CSMD1: variants seen among roughly 807,000 people sequenced by gnomAD.
CSMD1 encodes the protein CUB and sushi domain-containing protein 1.
Under a neutral mutation model 417.5 loss-of-function variants are expected in CSMD1, and 213 were observed. The observed-to-expected ratio is 0.51, with a 90% confidence interval of 0.46 to 0.57. The LOEUF (loss-of-function observed/expected upper bound fraction) is 0.57. Among genes scored for constraint, CSMD1 ranks in the 20% least tolerant of loss-of-function variants. The pLI is 0.00. For synonymous variants in CSMD1, 2,862 were observed against 1,736.8 expected (o/e 1.65, Z -16.11); for missense variants, 6,923 against 4,529.7 (o/e 1.53, Z -15.17).
intron 57 of CSMD1, among the ~76,000 whole-genome samples, chr8:2,967,498 G>C (rs1401840897): frequency 2.7e-5 from 4 of 150,444 alleles, no homozygotes; most frequent in African/African-American, 9.8e-5. Flanking sequence ...GGCTGCCGCT[G>C]GGTACGTTTC....
At chr8:4,755,876 A>T (rs981139577) in intron 1 of CSMD1, among the ~76,000 whole-genome samples, 4 of 152,160 alleles carry the variant, frequency 2.6e-5, no homozygotes, top group Non-Finnish European at 5.9e-5. Context: ...AACGTGAGAA[A>T]CTCATAATGG....
At chr8:3,052,275 G>A (rs117501953) in intron 50 of CSMD1, among the ~76,000 whole-genome samples, 187 bp downstream of exon 50, 2,323 of 152,260 alleles carry the variant, frequency 0.015, 29 homozygotes, top group Middle Eastern at 0.078. Flanking sequence ...AGAGTGCATA[G>A]CTCATTCTAA....
At chr8:3,515,047 T>A (rs1044342194) in intron 10 of CSMD1, among the ~76,000 whole-genome samples, 1 of 152,192 alleles carries the variant, frequency 6.6e-6, no homozygotes, top group South Asian at 2.1e-4. Context: ...TCGACTATAT[T>A]CGACATCTAA....
chr8:3,238,625 A>G (rs1024084632), intron 26 of CSMD1, among the ~76,000 whole-genome samples: 4 of 152,002 alleles, frequency 2.6e-5, no homozygotes, highest in African/African-American at 9.7e-5. Flanking sequence ...TAGAAGAAAC[A>G]TTTGTCATTT....
intron 5 of CSMD1, among the ~76,000 whole-genome samples, chr8:3,880,143 A>T (rs1045868209): frequency 6.6e-6 from 1 of 152,134 alleles, no homozygotes; most frequent in Non-Finnish European, 1.5e-5. Flanking sequence ...GACTGCTAGT[A>T]CCTTCGACCA....
At chr8:4,000,117 G>A (rs750804794) in intron 4 of CSMD1, among the ~76,000 whole-genome samples, 21 of 152,184 alleles carry the variant, frequency 1.4e-4, no homozygotes, top group African/African-American at 2.4e-4. Context: ...GCCCTCCGTG[G>A]GCACCACTGT....
chr8:3,186,017 C>CT (rs904466431), intron 36 of CSMD1, among the ~76,000 whole-genome samples: 3 of 150,698 alleles, frequency 2.0e-5, no homozygotes, highest in Non-Finnish European at 4.4e-5. Context: ...TCCCAGGTAG[C>CT]TTTTTTTTCT....
intron 27 of CSMD1, among the ~76,000 whole-genome samples, chr8:3,224,223 A>G (rs542366730): frequency 9.4e-4 from 143 of 152,242 alleles, no homozygotes; most frequent in Non-Finnish European, 1.2e-3. Context: ...CACAAACAGA[A>G]AAACACTTGA....
intron 2 of CSMD1, among the ~76,000 whole-genome samples, chr8:4,533,868 T>C (rs1318186287): frequency 6.7e-6 from 1 of 149,980 alleles, no homozygotes; most frequent in Non-Finnish European, 1.5e-5. Context: ...GGAGTGTATG[T>C]ATGTGTATAA....
At chr8:4,104,118 G>A (rs990499087) in intron 3 of CSMD1, among the ~76,000 whole-genome samples, 8 of 152,234 alleles carry the variant, frequency 5.3e-5, no homozygotes, top group African/African-American at 1.7e-4. Context: ...TCCCACAGAA[G>A]CAGAGTGTTG....
chr8:3,889,466 T>TAC (rs1194111783), intron 5 of CSMD1, among the ~76,000 whole-genome samples: 6 of 98,504 alleles, frequency 6.1e-5, no homozygotes, highest in African/African-American at 2.2e-4. Flanking sequence ...TATATATATA[T>TAC]ATATATATAT....
At chr8:4,217,119 C>G (rs942075078) in intron 3 of CSMD1, among the ~76,000 whole-genome samples, 12 of 152,176 alleles carry the variant, frequency 7.9e-5, no homozygotes, top group African/African-American at 2.2e-4. Context: ...TGGTGTAGTG[C>G]TAGTCTACAT....
rs1378485042 is a variant in CSMD1 at position 3,551,882 on chromosome 8, T to C, written c.1344+23063A>G. On this transcript the variant is annotated intron_variant, in intron 10 of 69. Coordinates refer to ENST00000635120, the MANE Select transcript of CSMD1 (RefSeq NM_033225.6). ...GGCTGCCACTGTGTCTTTAATGTGA[T>C]CATGCTGAGTGTGGCATGTGGTACC... Among the ~76,000 whole-genome samples, 8 of 152,308 alleles carry C rather than the reference T, an allele frequency of 5.3e-5. No individual in the cohort carries two copies. In the South Asian group the frequency reaches 8.3e-4, roughly 16 times the overall value.
chr8:4,170,233 C>A (rs1036607963), intron 3 of CSMD1, among the ~76,000 whole-genome samples: 1 of 151,802 alleles, frequency 6.6e-6, no homozygotes, highest in African/African-American at 2.4e-5. Context: ...CTTCTCTTTC[C>A]CCATCTCTCT....
chr8:4,082,775 C>G (rs796834234), intron 3 of CSMD1, among the ~76,000 whole-genome samples: 1 of 121,794 alleles, frequency 8.2e-6, no homozygotes, highest in Non-Finnish European at 1.6e-5. Context: ...TCCCCCCACC[C>G]CACAACAGTC....
At chr8:3,785,499 A>G (rs1046720627) in intron 5 of CSMD1, among the ~76,000 whole-genome samples, 7 of 152,222 alleles carry the variant, frequency 4.6e-5, no homozygotes, top group African/African-American at 1.4e-4. Context: ...TGGAAAATAC[A>G]TTAACGGCAG....
At chr8:4,155,076 G>A (rs758138069) in intron 3 of CSMD1, among the ~76,000 whole-genome samples, 5 of 152,196 alleles carry the variant, frequency 3.3e-5, no homozygotes, top group Admixed American at 1.3e-4. Flanking sequence ...CCCGATTTGT[G>A]CTTTGAACTC....
At chr8:4,362,012 A>G (rs1417098488) in intron 3 of CSMD1, among the ~76,000 whole-genome samples, 1 of 152,134 alleles carries the variant, frequency 6.6e-6, no homozygotes, top group Non-Finnish European at 1.5e-5. Context: ...CCTTAGATTA[A>G]GAAAAAGCAA....
chr8:3,633,430 C>A (rs550746277), intron 7 of CSMD1, among the ~76,000 whole-genome samples: 18 of 152,196 alleles, frequency 1.2e-4, no homozygotes, highest in East Asian at 1.2e-3. Context: ...TTGCTACTCC[C>A]GGCAGGATAA....
Sources: allele counts gnomAD v4.1 joint callset (sites outside exome capture counted in the v4.1 genomes callset), GRCh38; gene constraint gnomAD v4.1.1; transcripts MANE v1.5; gene names NCBI Gene and HGNC (gene_info 2026-07-23, HGNC 2026-07-21).